INPP5D: variants seen among roughly 807,000 people sequenced by gnomAD.
INPP5D encodes phosphatidylinositol 3,4,5-trisphosphate 5-phosphatase 1.
Under a neutral mutation model 122.9 loss-of-function variants are expected in INPP5D, and 33 were observed. That is an observed-to-expected ratio of 0.27 (90% CI 0.20 to 0.36). The LOEUF is 0.36. Among genes scored for constraint, INPP5D ranks in the 10% least tolerant of loss-of-function variants. INPP5D has a pLI of 1.00. For synonymous variants in INPP5D, 584 were observed against 576.2 expected (o/e 1.01, Z -0.19); for missense variants, 1,053 against 1,412.7 (o/e 0.75, Z 4.08).
At position 233,082,651 on chromosome 2, in the gene INPP5D, A is replaced by G. The variant is rs73094988; in HGVS notation, c.198+3253A>G. 2.6e-5 allele frequency among the ~76,000 whole-genome samples: 4 copies of G among 152,222 alleles called. No individual in the cohort carries two copies. Among genetic ancestry groups the G allele is most frequent in the African/African-American group, 9.6e-5 (4 of 41,526 alleles). Reference sequence around the variant, plus strand: ...ACTTCATGGAGTTGGCCCACGTGTCATAGCCCATGACAGCCCTGTATCAAT... The same window carrying G: ...ACTTCATGGAGTTGGCCCACGTGTCGTAGCCCATGACAGCCCTGTATCAAT... On this transcript the variant is annotated intron_variant, in intron 2 of 26. Coordinates refer to ENST00000445964, the MANE Select transcript of INPP5D (RefSeq NM_001017915.3). The surrounding 1 kb of genome is among the most constrained non-coding windows in gnomAD (Gnocchi z 4.7).
chr2:233,145,967 AT>A (rs200290055), intron 6 of INPP5D, 194 bp from the exon 7 acceptor site: 1 of 698,334 alleles, frequency 1.4e-6, no homozygotes, highest in East Asian at 2.7e-5. Flanking sequence ...ATGAAGATCT[AT>A]TTTTTGGCCA....
chr2:233,133,637 A>G (rs773195071), intron 5 of INPP5D, among the ~76,000 whole-genome samples: 25 of 152,184 alleles, frequency 1.6e-4, no homozygotes, highest in Non-Finnish European at 2.8e-4. Context: ...GTTTATCTGA[A>G]ATTCAAATTT....
At chr2:233,110,281 C>T (rs1285371502) in intron 2 of INPP5D, among the ~76,000 whole-genome samples, 1 of 152,116 alleles carries the variant, frequency 6.6e-6, no homozygotes, top group African/African-American at 2.4e-5. Context: ...TCTTGAACTC[C>T]TGGCCTCAAA....
intron 11 of INPP5D, among the ~76,000 whole-genome samples, chr2:233,163,035 T>C (rs911465990): frequency 5.3e-5 from 8 of 152,264 alleles, no homozygotes; most frequent in East Asian, 1.9e-4. Context: ...TTTGAGCCTC[T>C]TGGGGGAGCA....
intron 17 of INPP5D, among the ~76,000 whole-genome samples, chr2:233,175,703 A>C (rs918206931): frequency 2.0e-5 from 3 of 148,530 alleles, no homozygotes; most frequent in African/African-American, 5.0e-5. Flanking sequence ...TTTTTTTGAG[A>C]TGGAGTTTTG....
intron 18 of INPP5D, among the ~76,000 whole-genome samples, chr2:233,178,086 A>G (rs1389809475): frequency 6.6e-6 from 1 of 152,194 alleles, no homozygotes; most frequent in Non-Finnish European, 1.5e-5. Flanking sequence ...TAGAAGGCAT[A>G]ACATGTAATA....
chr2:233,126,594 A>G (rs762906417), intron 4 of INPP5D, among the ~76,000 whole-genome samples: 6 of 152,148 alleles, frequency 3.9e-5, no homozygotes, highest in African/African-American at 1.4e-4. Context: ...GATTGTCTCT[A>G]TATATGTGTC....
chr2:233,200,113 C>T lies in INPP5D; in HGVS notation c.2975+1737C>T, dbSNP rs540795517. Among the ~76,000 whole-genome samples, 85 of 152,294 alleles carry T rather than the reference C, an allele frequency of 5.6e-4. 2 individuals carry two copies. The South Asian group carries it at 0.015, about 27-fold the overall frequency. ...CCTGAAACTCTGGGGAAGCCCCGGACGGTGGAGAAAACTGATCTGAGTCTA... is the reference window on the plus strand; with the variant it reads ...CCTGAAACTCTGGGGAAGCCCCGGATGGTGGAGAAAACTGATCTGAGTCTA... On this transcript the variant is annotated intron_variant, in intron 25 of 26. Coordinates refer to ENST00000445964, the MANE Select transcript of INPP5D (RefSeq NM_001017915.3).
At chr2:233,086,119 C>CTCTTTCTTTCTTTCTTTCTTCCTTTCTT (rs1691826712) in intron 2 of INPP5D, among the ~76,000 whole-genome samples, 1 of 93,828 alleles carries the variant, frequency 1.1e-5, no homozygotes. Flanking sequence ...ATAAGATAGC[C>CTCTTTCTTTCTTTCTTTCTTCCTTTCTT]TCTTTCTTTC....
At position 233,060,692 on chromosome 2, in the gene INPP5D, C is replaced by A. The variant is rs551260646; in HGVS notation, c.134+80C>A. The A allele has an allele frequency of 1.9e-3, 2,974 of 1,564,322 alleles. 4 individuals are homozygous for A. Among genetic ancestry groups the A allele is most frequent in the Non-Finnish European group, 2.5e-3 (2,798 of 1,141,302 alleles). On this transcript the variant is annotated intron_variant, in intron 1 of 26. Transcript: ENST00000445964. ...GGGCCCAGCTTTGAGATGGGTTGTT[C>A]TTATGTCACAGGACAGAGTGATCTG...
intron 17 of INPP5D, among the ~76,000 whole-genome samples, chr2:233,175,600 T>A (rs1694601578): frequency 6.6e-6 from 1 of 152,160 alleles, no homozygotes; most frequent in South Asian, 2.1e-4. Flanking sequence ...ACACTTATGG[T>A]TAGTACACTT....
intron 23 of INPP5D, among the ~76,000 whole-genome samples, chr2:233,194,537 G>A (rs991891896): frequency 7.0e-6 from 1 of 142,166 alleles, no homozygotes; most frequent in African/African-American, 2.6e-5. Context: ...TCACTCTGTG[G>A]CTCAGGCTGG....
intron 25 of INPP5D, among the ~76,000 whole-genome samples, chr2:233,202,974 G>A (rs115906271): frequency 0.012 from 1,813 of 152,254 alleles, 25 homozygotes; most frequent in African/African-American, 0.039. Flanking sequence ...CAGCCACCAC[G>A]TGTTCCTTCC....
intron 13 of INPP5D, among the ~76,000 whole-genome samples, chr2:233,168,474 G>T (rs1405676821): frequency 6.6e-6 from 1 of 152,218 alleles, no homozygotes; most frequent in Non-Finnish European, 1.5e-5. Flanking sequence ...GAATATTCTA[G>T]GCTCTTTGGG....
At chr2:233,135,379 T>G (rs1693441178) in intron 5 of INPP5D, among the ~76,000 whole-genome samples, 1 of 151,884 alleles carries the variant, frequency 6.6e-6, no homozygotes, top group African/African-American at 2.4e-5. Flanking sequence ...AATTTTTTTT[T>G]TCTTAGAGAT....
At chr2:233,180,288 T>C (rs1036260202) in intron 18 of INPP5D, among the ~76,000 whole-genome samples, 6 of 151,964 alleles carry the variant, frequency 3.9e-5, no homozygotes, top group Admixed American at 3.9e-4. Context: ...ACAGTCCACC[T>C]CCTAGGCTTA....
chr2:233,116,446 G>A (rs1692798624), intron 2 of INPP5D, among the ~76,000 whole-genome samples: 2 of 151,434 alleles, frequency 1.3e-5, no homozygotes, highest in East Asian at 2.0e-4. Context: ...GCACCACTAC[G>A]TTTGGCTAAT....
intron 1 of INPP5D, among the ~76,000 whole-genome samples, chr2:233,068,146 A>C (rs994164558): frequency 5.9e-5 from 9 of 152,142 alleles, no homozygotes; most frequent in African/African-American, 2.2e-4. Context: ...TTAGCCTGCG[A>C]TGGTGGCATA....
chr2:233,159,693 C>CAAA (rs548439384), intron 10 of INPP5D, among the ~76,000 whole-genome samples: 19,503 of 91,462 alleles, frequency 0.21, 4,051 homozygotes, highest in African/African-American at 0.48. Context: ...GATCCTGTCT[C>CAAA]AAAAAAAAAA....
Sources: allele counts gnomAD v4.1 joint callset (sites outside exome capture counted in the v4.1 genomes callset), GRCh38; gene constraint gnomAD v4.1.1; non-coding constraint Gnocchi (gnomAD v3.1); transcripts MANE v1.5; gene names NCBI Gene and HGNC (gene_info 2026-07-23, HGNC 2026-07-21).